The following LDLRAD4 variants were observed in gnomAD, a reference collection of about 807,000 sequenced individuals.
The protein encoded by LDLRAD4 is low density lipoprotein receptor class A domain containing 4.
Under a neutral mutation model 17.0 loss-of-function variants are expected in LDLRAD4, and 5 were observed. The observed-to-expected ratio is 0.29, with a 90% CI of 0.15 to 0.62. The LOEUF (loss-of-function observed/expected upper bound fraction) is 0.62, where lower values mean the gene tolerates loss of function less well. Ranked by LOEUF, LDLRAD4 falls within the 20% of genes least tolerant of loss-of-function variation. The probability of loss-of-function intolerance (pLI) is 0.84; values close to 1 mark genes in which losing one functional copy is unlikely to be tolerated. For missense variants in LDLRAD4, 340 were observed against 424.7 expected (o/e 0.80, Z 1.75); for synonymous variants, 168 against 171.8 (o/e 0.98, Z 0.17).
chr18:13,637,882 A>G (rs2042217220), intron 4 of LDLRAD4, among the ~76,000 whole-genome samples: 1 of 151,908 alleles, frequency 6.6e-6, no homozygotes, highest in African/African-American at 2.4e-5. Context: ...AAAAAAAAAA[A>G]AAAAAAGAGA....
At chr18:13,229,081 G>A (rs933706249) in intron 1 of LDLRAD4, among the ~76,000 whole-genome samples, 10 of 152,220 alleles carry the variant, frequency 6.6e-5, no homozygotes, top group Admixed American at 1.3e-4. Context: ...TCTGCCATCT[G>A]CATGGAGGAA....
chr18:13,476,345 C>A (rs1242716194), intron 3 of LDLRAD4, among the ~76,000 whole-genome samples: 1 of 152,172 alleles, frequency 6.6e-6, no homozygotes, highest in East Asian at 1.9e-4. Context: ...GAAAACCCAG[C>A]CTGGGCCGGT....
At position 13,550,750 on chromosome 18, in the gene LDLRAD4, G is replaced by A. The variant is rs142541381; in HGVS notation, c.182-70367G>A. Among the ~76,000 whole-genome samples, 848 of 152,332 alleles carry A rather than the reference G, an allele frequency of 5.6e-3. 27 individuals are homozygous for A. Among genetic ancestry groups the A allele is most frequent in the Admixed American group, 0.049 (755 of 15,304 alleles). ...CCTCCGGCCATCCAGATCTAGGGGC[G>A]GTGGAGAGAGCCTGGGAAGAGCGAG... On this transcript the variant is annotated intron_variant, in intron 3 of 5. Coordinates refer to ENST00000359446, the Ensembl canonical transcript of LDLRAD4.
At chr18:13,281,232 C>CA (rs1490222032) in intron 1 of LDLRAD4, among the ~76,000 whole-genome samples, 1 of 151,872 alleles carries the variant, frequency 6.6e-6, no homozygotes, top group Non-Finnish European at 1.5e-5. Context: ...ACTAAAAAAT[C>CA]AAAAAAATTA....
chr18:13,629,699 A>G (rs1035639746), intron 4 of LDLRAD4, among the ~76,000 whole-genome samples: 5 of 152,110 alleles, frequency 3.3e-5, no homozygotes, highest in Non-Finnish European at 5.9e-5. Flanking sequence ...TATATAAGGT[A>G]TTAGCATTAA....
At chr18:13,222,599 G>A (rs1358731961) in intron 1 of LDLRAD4, among the ~76,000 whole-genome samples, 2 of 152,250 alleles carry the variant, frequency 1.3e-5, no homozygotes, top group Admixed American at 1.3e-4. Context: ...CATGGGCCTG[G>A]TGTGCATGCA....
intron 1 of LDLRAD4, among the ~76,000 whole-genome samples, chr18:13,279,091 A>T (rs550624103): frequency 6.6e-6 from 1 of 152,142 alleles, no homozygotes; most frequent in Admixed American, 6.5e-5. Flanking sequence ...CAGCTCCTCC[A>T]CTGCTGAGCT....
intron 1 of LDLRAD4, among the ~76,000 whole-genome samples, chr18:13,298,398 CATGGTGATGGAGCTGCTCCAGGT>C (rs1290303774): frequency 3.4e-5 from 5 of 147,562 alleles, no homozygotes; most frequent in East Asian, 4.0e-4. Flanking sequence ...CTGCTGTGGG[CATGGTGATGGAGCTGCTCCAGGT>C]ATGGTGATGG....
At chr18:13,467,347 T>C (rs529242876) in intron 3 of LDLRAD4, among the ~76,000 whole-genome samples, 1 of 152,354 alleles carries the variant, frequency 6.6e-6, no homozygotes, top group African/African-American at 2.4e-5. Context: ...TTTCTATACA[T>C]GTGCCATGAA....
chr18:13,443,217 C>T (rs979973307), intron 3 of LDLRAD4, among the ~76,000 whole-genome samples: 1 of 152,162 alleles, frequency 6.6e-6, no homozygotes, highest in Admixed American at 6.5e-5. Flanking sequence ...TATTTTACTT[C>T]CGAAACCAGC....
At chr18:13,348,688 G>C (rs1166913983) in intron 1 of LDLRAD4, among the ~76,000 whole-genome samples, 1 of 152,142 alleles carries the variant, frequency 6.6e-6, no homozygotes, top group Non-Finnish European at 1.5e-5. Context: ...TATAGAGGCA[G>C]GCAGGCCTCC....
intron 1 of LDLRAD4, among the ~76,000 whole-genome samples, chr18:13,366,707 G>A (rs1159673744): frequency 1.3e-5 from 2 of 152,146 alleles, no homozygotes; most frequent in Non-Finnish European, 2.9e-5. Flanking sequence ...GTCATTCGGG[G>A]GTGGAGGGTG....
At chr18:13,490,542 T>G (rs1648616) in intron 3 of LDLRAD4, 1 of 152,194 alleles carries the variant, frequency 6.6e-6, no homozygotes, top group Non-Finnish European at 1.5e-5. Context: ...TATCCTTTTG[T>G]GAGGTTTTTA....
At chr18:13,349,941 T>C (rs530132719) in intron 1 of LDLRAD4, among the ~76,000 whole-genome samples, 1 of 152,330 alleles carries the variant, frequency 6.6e-6, no homozygotes, top group Admixed American at 6.5e-5. Flanking sequence ...GCTTCATCCA[T>C]ATCCCTGCAA....
At chr18:13,543,599 A>C (rs1467111346) in intron 3 of LDLRAD4, 1 of 152,222 alleles carries the variant, frequency 6.6e-6, no homozygotes, top group Non-Finnish European at 1.5e-5. Flanking sequence ...TTAACATCTC[A>C]TCTATTAAAA....
intron 2 of LDLRAD4, among the ~76,000 whole-genome samples, chr18:13,434,325 A>G (rs1006089018): frequency 6.6e-6 from 1 of 151,802 alleles, no homozygotes; most frequent in African/African-American, 2.4e-5. Flanking sequence ...TTAGAAGGGC[A>G]TGACTTTTTT....
Position 13,305,344 on chromosome 18 carries a change from A to G in LDLRAD4, c.-383+27156A>G, listed in dbSNP as rs554939606. Among the ~76,000 whole-genome samples the G allele has an allele frequency of 1.3e-3, 199 of 152,366 alleles. 1 individual carries two copies. The highest frequency in any genetic ancestry group is 2.2e-3 in the Non-Finnish European group (153 of 68,034). ...ATAAAATTAACTGTAGTCCATTGCT[A>G]TACTACTGTAATAATTTTGTAGCCA... On this transcript the variant is annotated intron_variant, in intron 1 of 5. Transcript: ENST00000359446.
At position 13,610,634 on chromosome 18, in the gene LDLRAD4, G is replaced by A. The variant is rs191921516; in HGVS notation, c.182-10483G>A. 7.9e-5 allele frequency among the ~76,000 whole-genome samples: 12 copies of A among 152,218 alleles called. No homozygotes were observed. In the East Asian group the frequency reaches 1.7e-3, roughly 22 times the overall value. ...ACAGACAGGTACAGTGGCCTACAGC[G>A]CTCCTCACTAAGGCCCTGGCTTGAG... is the stretch of plus-strand genomic sequence containing the variant. On this transcript the variant is annotated intron_variant, in intron 3 of 5. Coordinates refer to ENST00000359446, the Ensembl canonical transcript of LDLRAD4.
intron 1 of LDLRAD4, among the ~76,000 whole-genome samples, chr18:13,223,688 A>G (rs1431443370): frequency 6.6e-6 from 1 of 152,190 alleles, no homozygotes; most frequent in East Asian, 1.9e-4. Flanking sequence ...TGGGCAGATA[A>G]TAATAACAGC....
Sources: allele counts gnomAD v4.1 joint callset (sites outside exome capture counted in the v4.1 genomes callset), GRCh38; gene constraint gnomAD v4.1.1; transcripts MANE v1.5; gene names NCBI Gene and HGNC (gene_info 2026-07-23, HGNC 2026-07-21).